TAOK3: variants seen among roughly 807,000 people sequenced by gnomAD.
The protein encoded by TAOK3 is serine/threonine-protein kinase TAO3.
Under a neutral mutation model 120.4 loss-of-function variants are expected in TAOK3, and 40 were observed. The observed-to-expected ratio is 0.33, with a 90% CI of 0.26 to 0.43. The LOEUF (loss-of-function observed/expected upper bound fraction) is 0.43, where lower values mean the gene tolerates loss of function less well. Ranked by LOEUF, TAOK3 falls within the 20% of genes least tolerant of loss-of-function variation. The pLI, the probability that TAOK3 is intolerant of heterozygous loss-of-function variation, is 1.00. For synonymous variants in TAOK3, 355 were observed against 387.5 expected, an observed-to-expected ratio of 0.92 and a Z score of 0.99; for missense variants, 821 against 1,112.1, an observed-to-expected ratio of 0.74 and a Z score of 3.72.
intron 15 of TAOK3, among the ~76,000 whole-genome samples, 191 bp downstream of exon 15, chr12:118,181,180 T>C (rs1381321327): frequency 3.3e-5 from 5 of 152,208 alleles, no homozygotes; most frequent in Admixed American, 6.5e-5. Flanking sequence ...ATGTAACATA[T>C]ATTTTCAGTT....
chr12:118,235,751 AC>A (rs1475360981), intron 7 of TAOK3, 80 bp from the exon 8 acceptor site: 1 of 866,776 alleles, frequency 1.2e-6, no homozygotes, highest in Non-Finnish European at 1.8e-6. Context: ...AATTAATAAG[AC>A]AAAAAGTTTA....
chr12:118,215,514 A>T (rs2038857577), intron 9 of TAOK3, among the ~76,000 whole-genome samples: 1 of 151,838 alleles, frequency 6.6e-6, no homozygotes. Flanking sequence ...TCTGTCTCAA[A>T]AGAACAACAA....
At chr12:118,189,363 CA>C (rs1304698407) in intron 14 of TAOK3, among the ~76,000 whole-genome samples, 3 of 152,046 alleles carry the variant, frequency 2.0e-5, no homozygotes, top group Non-Finnish European at 4.4e-5. Flanking sequence ...TGCATCTATA[CA>C]AAAAGCAGCA....
intron 1 of TAOK3, among the ~76,000 whole-genome samples, chr12:118,369,426 G>A (rs1191363994): frequency 6.6e-6 from 1 of 152,098 alleles, no homozygotes; most frequent in Non-Finnish European, 1.5e-5. Flanking sequence ...AATATAATGT[G>A]GTTGAAATGA....
intron 1 of TAOK3, among the ~76,000 whole-genome samples, chr12:118,332,685 T>TA (rs1593581109): frequency 6.6e-6 from 1 of 152,244 alleles, no homozygotes; most frequent in East Asian, 1.9e-4. Context: ...CGGGATGACA[T>TA]AATTTTCCAT....
intron 20 of TAOK3, among the ~76,000 whole-genome samples, 169 bp from the exon 21 acceptor site, chr12:118,151,327 C>T (rs1385872271): frequency 1.3e-5 from 2 of 148,726 alleles, no homozygotes; most frequent in Admixed American, 6.6e-5. Flanking sequence ...ACAGGAACTA[C>T]GGGAGGACCG....
chr12:118,194,994 G>A (rs938692688), intron 13 of TAOK3, among the ~76,000 whole-genome samples: 2 of 151,986 alleles, frequency 1.3e-5, no homozygotes, highest in Non-Finnish European at 1.5e-5. Flanking sequence ...TGATCCACCC[G>A]CCTTGGCCTC....
intron 3 of TAOK3, among the ~76,000 whole-genome samples, chr12:118,251,441 G>A (rs2040746811): frequency 6.6e-6 from 1 of 152,070 alleles, no homozygotes; most frequent in Non-Finnish European, 1.5e-5. Context: ...GGTGTACATA[G>A]GCCTGTACTT....
intron 19 of TAOK3, chr12:118,159,918 A>G: frequency 5.3e-6 from 3 of 569,068 alleles, no homozygotes; most frequent in Non-Finnish European, 9.4e-6. Flanking sequence ...TATGTGCCAC[A>G]GGTCTGATGT....
intron 17 of TAOK3, among the ~76,000 whole-genome samples, chr12:118,171,263 C>T (rs2035977201): frequency 6.6e-6 from 1 of 152,218 alleles, no homozygotes; most frequent in African/African-American, 2.4e-5. Context: ...CTCTTCCAGG[C>T]TAGAACTGGA....
At chr12:118,167,521 C>A (rs1272655347) in intron 17 of TAOK3, among the ~76,000 whole-genome samples, 1 of 150,596 alleles carries the variant, frequency 6.6e-6, no homozygotes, top group Admixed American at 6.6e-5. Flanking sequence ...TGAGGCCATA[C>A]AACAAAATAC....
In TAOK3 at chr12:118,161,185, C is replaced by T. The variant is rs2035196075; in HGVS notation, c.2139+603G>A. Among the ~76,000 whole-genome samples the T allele has an allele frequency of 6.6e-6, 1 of 152,218 alleles. No individual in the cohort carries two copies. Among genetic ancestry groups the T allele is most frequent in the Non-Finnish European group, 1.5e-5 (1 of 68,036 alleles). On this transcript the variant is annotated intron_variant, in intron 18 of 20. Coordinates refer to ENST00000392533, the MANE Select transcript of TAOK3 (RefSeq NM_016281.4). The surrounding 1 kb of genome is among the most constrained non-coding windows in gnomAD (Gnocchi z 4.5). ...GGCCTCATATCTGTGGCAACACTGA[C>T]AACGTCCTCCCGGATATATAGCAAT...
chr12:118,151,794 A>G (rs768013781), intron 20 of TAOK3, among the ~76,000 whole-genome samples: 5 of 152,172 alleles, frequency 3.3e-5, no homozygotes, highest in Non-Finnish European at 7.3e-5. Context: ...ATATCAGCCT[A>G]TCATCATTTT....
chr12:118,199,240 G>T lies in TAOK3; in HGVS notation c.1005C>A (p.Thr335=). 8 of 1,613,976 alleles carry T rather than the reference G, an allele frequency of 5.0e-6. No homozygotes were observed. Among genetic ancestry groups the T allele is most frequent in the Non-Finnish European group, 5.9e-6 (7 of 1,179,952 alleles). ...GGCTGTCCATTTCCCTGTTCAGGCT[G>T]GTTCCATGTTCACTGTCCTGTAAAA... ...QEDEEDSEHG[T]SLNREMDSLG... The change falls in exon 13 of 21, where the codon ACC becomes ACA. Residue 335 remains threonine (T), a synonymous_variant. Transcript: ENST00000392533.
intron 13 of TAOK3, among the ~76,000 whole-genome samples, chr12:118,196,381 A>C (rs1464107067): frequency 6.6e-6 from 1 of 152,120 alleles, no homozygotes; most frequent in Non-Finnish European, 1.5e-5. Flanking sequence ...TTTATTTCCT[A>C]TCTAAAATGG....
chr12:118,333,296 C>A lies in TAOK3; in HGVS notation c.-194+39352G>T, dbSNP rs776515565. ...AATCATACTGAATATGTCTTCTGAT[C>A]ATAATGAAATCAAACTAGAAATCAT... is the stretch of plus-strand genomic sequence containing the variant. On this transcript the variant is annotated intron_variant, in intron 1 of 20. Coordinates refer to ENST00000392533, the MANE Select transcript of TAOK3 (RefSeq NM_016281.4). 6.6e-4 allele frequency among the ~76,000 whole-genome samples: 101 copies of A among 152,152 alleles called. 1 individual carries two copies. Among genetic ancestry groups the A allele is most frequent in the Non-Finnish European group, 2.2e-4 (15 of 68,010 alleles).
intron 5 of TAOK3, among the ~76,000 whole-genome samples, chr12:118,239,567 C>A (rs1457762175): frequency 6.6e-6 from 1 of 152,180 alleles, no homozygotes; most frequent in African/African-American, 2.4e-5. Flanking sequence ...AACTCCTTCA[C>A]TACTTTATTT....
intron 9 of TAOK3, among the ~76,000 whole-genome samples, chr12:118,224,219 T>C (rs2039392371): frequency 6.6e-6 from 1 of 152,254 alleles, no homozygotes; most frequent in Admixed American, 6.5e-5. Flanking sequence ...AAGGCCTGTG[T>C]TCTTTTTACT....
At chr12:118,252,282 G>A (rs2040789737) in intron 3 of TAOK3, among the ~76,000 whole-genome samples, 1 of 152,170 alleles carries the variant, frequency 6.6e-6, no homozygotes, top group South Asian at 2.1e-4. Flanking sequence ...AATATATACA[G>A]ATGTTTCCAT....
Sources: allele counts gnomAD v4.1 joint callset (sites outside exome capture counted in the v4.1 genomes callset), GRCh38; gene constraint gnomAD v4.1.1; non-coding constraint Gnocchi (gnomAD v3.1); transcripts MANE v1.5; gene names NCBI Gene and HGNC (gene_info 2026-07-23, HGNC 2026-07-21).